Variants in IQSEC1 observed in about 807,000 individuals in gnomAD.
IQSEC1 encodes the protein IQ motif and Sec7 domain ArfGEF 1, also known as IQ motif and SEC7 domain-containing protein 1.
In IQSEC1, 31 loss-of-function variants were observed where a neutral mutation model predicts 91.0. The ratio of observed to expected loss-of-function variants is 0.34; its 90% CI spans 0.26 to 0.46. The LOEUF (loss-of-function observed/expected upper bound fraction) is 0.46, where lower values mean the gene tolerates loss of function less well. Ranked by LOEUF, IQSEC1 falls within the 20% of genes least tolerant of loss-of-function variation. The pLI is 1.00. For synonymous variants in IQSEC1, 699 were observed against 662.6 expected (o/e 1.05, Z -0.84); for missense variants, 1,388 against 1,575.6 (o/e 0.88, Z 2.02).
At chr3:13,201,755 G>A (rs887187823) in intron 1 of IQSEC1, among the ~76,000 whole-genome samples, 31 of 152,200 alleles carry the variant, frequency 2.0e-4, no homozygotes, top group Admixed American at 5.9e-4. Context: ...CAAGACCAAA[G>A]CTTTGTCCAG....
chr3:13,043,990 A>C (rs892831981), intron 1 of IQSEC1, among the ~76,000 whole-genome samples: 1 of 152,208 alleles, frequency 6.6e-6, no homozygotes, highest in African/African-American at 2.4e-5. Flanking sequence ...GGGGGGTGAC[A>C]TCCAGGCGGT....
intron 1 of IQSEC1, among the ~76,000 whole-genome samples, chr3:13,050,131 C>T (rs1167210187): frequency 6.6e-6 from 1 of 151,164 alleles, no homozygotes; most frequent in Non-Finnish European, 1.5e-5. Flanking sequence ...CTCGGTGCCC[C>T]ACCCCTCCAA....
intron 1 of IQSEC1, among the ~76,000 whole-genome samples, chr3:13,208,077 T>G (rs1694376054): frequency 6.6e-6 from 1 of 151,538 alleles, no homozygotes; most frequent in African/African-American, 2.4e-5. Context: ...TAAAAATTTG[T>G]AAGTAGATAG....
chr3:12,907,854 C>T (rs189617501), intron 12 of IQSEC1, among the ~76,000 whole-genome samples: 15 of 152,366 alleles, frequency 9.8e-5, no homozygotes, highest in African/African-American at 3.4e-4. Flanking sequence ...TCAATGGCCT[C>T]TGGGCTGGAC....
chr3:12,902,652 A>G lies in IQSEC1; in HGVS notation c.2805+121T>C, dbSNP rs564868305. On this transcript the variant is annotated intron_variant, in intron 13 of 13. Coordinates refer to ENST00000613206, the MANE Select transcript of IQSEC1 (RefSeq NM_001134382.3). ...TAGGGGAAGGAAAAGCCAAAAAAAA[A>G]AACAACAAAAAAAAAACCAAAAAAA... The G allele has an allele frequency of 8.1e-6, 5 of 619,394 alleles. No homozygotes were observed. In the Admixed American group the frequency reaches 1.6e-4, roughly 19 times the overall value. 38.4% of individuals were successfully genotyped at this position (619,394 alleles called of 1,614,324 possible). A position where few individuals can be genotyped will look rare whatever the true frequency, so the allele number is the denominator to read the frequency against.
Position 13,130,283 on chromosome 3 carries a change from G to A in IQSEC1, c.302+33821C>T, listed in dbSNP as rs558585232. On this transcript the variant is annotated intron_variant, in intron 2 of 15. Coordinates refer to the IQSEC1 transcript ENST00000648114. ...CGCTTGAGCCCAGGAGGCAGAAGTT[G>A]CAGTGAACCGAGATTGTGCCACTGC... Among the ~76,000 whole-genome samples the A allele has an allele frequency of 2.1e-5, 3 of 145,696 alleles. No homozygotes were observed. In the South Asian group the frequency reaches 6.5e-4, roughly 32 times the overall value.
intron 1 of IQSEC1, among the ~76,000 whole-genome samples, chr3:12,961,806 C>T (rs1187415105): frequency 1.3e-5 from 2 of 152,210 alleles, no homozygotes; most frequent in African/African-American, 4.8e-5. Context: ...ATTTAATCCT[C>T]ACAACAACTC....
At chr3:13,044,526 C>T (rs997174834) in intron 1 of IQSEC1, among the ~76,000 whole-genome samples, 1 of 152,200 alleles carries the variant, frequency 6.6e-6, no homozygotes, top group African/African-American at 2.4e-5. Context: ...AGGGGGACAC[C>T]CAGTGTCATC....
chr3:13,122,328 G>C (rs1576260104), intron 2 of IQSEC1, among the ~76,000 whole-genome samples: 1 of 152,270 alleles, frequency 6.6e-6, no homozygotes, highest in African/African-American at 2.4e-5. Flanking sequence ...GAAGTGGCAG[G>C]GCAGGTGGCC....
intron 1 of IQSEC1, among the ~76,000 whole-genome samples, chr3:13,037,885 G>A (rs1704095728): frequency 6.6e-6 from 1 of 152,188 alleles, no homozygotes; most frequent in South Asian, 2.1e-4. Flanking sequence ...TGTTTAACGG[G>A]TACAGAGTTT....
At chr3:13,005,971 G>A (rs1702618730) in intron 1 of IQSEC1, among the ~76,000 whole-genome samples, 1 of 152,236 alleles carries the variant, frequency 6.6e-6, no homozygotes, top group Admixed American at 6.5e-5. Flanking sequence ...TGTCTGATAT[G>A]AGCAACTTAA....
intron 1 of IQSEC1, among the ~76,000 whole-genome samples, chr3:13,226,212 G>A (rs1254704434): frequency 6.6e-6 from 1 of 152,104 alleles, no homozygotes; most frequent in Non-Finnish European, 1.5e-5. Flanking sequence ...TGACAATATA[G>A]CTTAGGGACT....
Position 13,193,585 on chromosome 3 carries a change from A to C in IQSEC1, c.273-29452T>G, listed in dbSNP as rs904030537. 3.3e-5 allele frequency among the ~76,000 whole-genome samples: 5 copies of C among 152,284 alleles called. No individual in the cohort carries two copies. In the Middle Eastern group the frequency reaches 0.017, roughly 518 times the overall value. ...AGAAAGGGAGGGGAACAGAAGGTGC[A>C]GTTTAGGGGGTGAGGAGAGAAGTAT... is the stretch of plus-strand genomic sequence containing the variant. On this transcript the variant is annotated intron_variant, in intron 1 of 15. Coordinates refer to the IQSEC1 transcript ENST00000648114. The surrounding 1 kb of genome is among the most constrained non-coding windows in gnomAD (Gnocchi z 4.2).
chr3:13,187,043 C>A (rs1231686035), intron 1 of IQSEC1, among the ~76,000 whole-genome samples: 1 of 152,102 alleles, frequency 6.6e-6, no homozygotes, highest in Non-Finnish European at 1.5e-5. Flanking sequence ...TCCTTCCTCT[C>A]CTTCCTTCCT....
chr3:12,910,736 G>A (rs1695481459), intron 10 of IQSEC1, among the ~76,000 whole-genome samples: 1 of 152,236 alleles, frequency 6.6e-6, no homozygotes, highest in African/African-American at 2.4e-5. Context: ...CAAGGCCTGT[G>A]GTTTTGGATG....
At chr3:13,077,249 C>T (rs1705577751), upstream of IQSEC1, among the ~76,000 whole-genome samples, 1 of 152,206 alleles carries the variant, frequency 6.6e-6, no homozygotes, top group Non-Finnish European at 1.5e-5. Flanking sequence ...AAGATGAATA[C>T]CGTGAACTCT....
At chr3:13,263,437 G>GAAAAGTACCTGACACTTTTTTTTTTTT (rs1695427786) in intron 1 of IQSEC1, among the ~76,000 whole-genome samples, 1 of 94,152 alleles carries the variant, frequency 1.1e-5, no homozygotes, top group African/African-American at 4.3e-5. Flanking sequence ...TGGGGGGGGG[G>GAAAAGTACCTGACACTTTTTTTTTTTT]GGAAAGTACC....
chr3:13,090,349 A>C (rs773160150), intron 2 of IQSEC1, among the ~76,000 whole-genome samples: 1 of 152,048 alleles, frequency 6.6e-6, no homozygotes, highest in Non-Finnish European at 1.5e-5. Flanking sequence ...TATTCACTAT[A>C]CTCTAGTGCC....
rs1553569717 is a variant in IQSEC1, at chr3:13,154,462, T to TATATAC, written c.302+9641_302+9642insGTATAT. 1.0e-4 allele frequency among the ~76,000 whole-genome samples: 12 copies of TATATAC among 116,434 alleles called. 2 individuals are homozygous for TATATAC. Among genetic ancestry groups the TATATAC allele is most frequent in the African/African-American group, 4.1e-4 (12 of 29,384 alleles). The allele number at this position is 116,434 out of a possible 152,430, so 76.4% of individuals were successfully genotyped here. On this transcript the variant is annotated intron_variant, in intron 2 of 15. Transcript: ENST00000648114. ...GCATATATATATATATATATATATA[T>TATATAC]ATATATATATATATGCAAAAACTGA...
Sources: allele counts gnomAD v4.1 joint callset (sites outside exome capture counted in the v4.1 genomes callset), GRCh38; gene constraint gnomAD v4.1.1; non-coding constraint Gnocchi (gnomAD v3.1); transcripts MANE v1.5; gene names NCBI Gene and HGNC (gene_info 2026-07-23, HGNC 2026-07-21).